The following SLC20A2 variants were observed in gnomAD, a reference collection of about 807,000 sequenced individuals.
The protein encoded by SLC20A2 is solute carrier family 20 member 2.
Under a neutral mutation model 61.0 loss-of-function variants are expected in SLC20A2, and 30 were observed. The ratio of observed to expected loss-of-function variants is 0.49; its 90% CI spans 0.37 to 0.67. SLC20A2 has a LOEUF of 0.67. Among genes scored for constraint, SLC20A2 ranks in the 30% least tolerant of loss-of-function variants. The pLI is 0.00. For synonymous variants in SLC20A2, 351 were observed against 353.3 expected, an observed-to-expected ratio of 0.99 and a Z score of 0.07; for missense variants, 626 against 866.4, an observed-to-expected ratio of 0.72 and a Z score of 3.48.
chr8:42,506,366 C>G (rs1810708735), intron 1 of SLC20A2, among the ~76,000 whole-genome samples: 2 of 152,196 alleles, frequency 1.3e-5, no homozygotes, highest in Admixed American at 6.5e-5. Context: ...GCTTCCTCGC[C>G]TGTAAAATGG....
At chr8:42,493,620 C>T (rs1238174748) in intron 1 of SLC20A2, among the ~76,000 whole-genome samples, 1 of 152,196 alleles carries the variant, frequency 6.6e-6, no homozygotes, top group Non-Finnish European at 1.5e-5. Flanking sequence ...TGCCATTGCT[C>T]TCCAAATAAT....
intron 8 of SLC20A2, among the ~76,000 whole-genome samples, chr8:42,436,539 C>T (rs1034344429): frequency 4.6e-5 from 7 of 152,208 alleles, no homozygotes; most frequent in African/African-American, 1.7e-4. Context: ...CCCCTGCTCA[C>T]AGCTCCACGG....
Position 42,418,033 on chromosome 8 carries a change from A to C in SLC20A2, c.1795-66T>G. On this transcript the variant is annotated intron_variant, in intron 10 of 10. Coordinates refer to ENST00000520262, the MANE Select transcript of SLC20A2 (RefSeq NM_001257180.2). ...CAAAGGCTACACTCTACCAATGTAC[A>C]TGGGCTAATCTCAGAAACAAGCTCT... 3 of 1,368,084 alleles carry C rather than the reference A, an allele frequency of 2.2e-6. No homozygotes were observed. In the South Asian group the frequency reaches 3.6e-5, roughly 16 times the overall value. The allele number at this position is 1,368,084 out of a possible 1,614,324, so 84.7% of individuals were successfully genotyped here.
intron 6 of SLC20A2, among the ~76,000 whole-genome samples, chr8:42,442,591 G>A (rs1445690129): frequency 6.6e-6 from 1 of 152,108 alleles, no homozygotes; most frequent in East Asian, 1.9e-4. Context: ...ACACTGCCTT[G>A]TGGCTTCATA....
chr8:42,520,312 C>A (rs2131398964), intron 1 of SLC20A2, among the ~76,000 whole-genome samples: 1 of 151,780 alleles, frequency 6.6e-6, no homozygotes, highest in African/African-American at 2.4e-5. Context: ...CCGCGCCCAG[C>A]CTCTTTATGC....
chr8:42,541,482 G>A (rs1813153363), intron 1 of SLC20A2: 2 of 145,810 alleles, frequency 1.4e-5, no homozygotes, highest in East Asian at 4.0e-4. Flanking sequence ...GGCCGCCGCT[G>A]CGTCTCTCCG....
intron 5 of SLC20A2, among the ~76,000 whole-genome samples, chr8:42,459,215 G>A (rs1179902093): frequency 8.1e-6 from 1 of 123,890 alleles, no homozygotes; most frequent in African/African-American, 3.1e-5. Context: ...CATCCTGGGT[G>A]AGAGAGTGAG....
rs1235137433 is a variant in SLC20A2 at position 42,507,378 on chromosome 8, T to TAA, written c.-265+34441_-265+34442dup. ...AGAAGAAACTGGTATCCTCTTCAGC[T>TAA]AAAAAAAAAAAAAAGACGCAAACTC... is the stretch of plus-strand genomic sequence containing the variant. On this transcript the variant is annotated intron_variant, in intron 1 of 10. Coordinates refer to the SLC20A2 transcript ENST00000342228. Among the ~76,000 whole-genome samples, 1,132 of 133,390 alleles carry TAA rather than the reference T, an allele frequency of 8.5e-3. 7 individuals are homozygous for TAA. The highest frequency in any genetic ancestry group is 0.029 in the African/African-American group (1,082 of 36,888). The allele number at this position is 133,390 out of a possible 152,430, so 87.5% of individuals were successfully genotyped here.
At chr8:42,449,209 G>C (rs768523831) in intron 5 of SLC20A2, among the ~76,000 whole-genome samples, 20 of 152,208 alleles carry the variant, frequency 1.3e-4, no homozygotes, top group Non-Finnish European at 2.4e-4. Flanking sequence ...GACATACTGG[G>C]GCACAGCCTC....
intron 2 of SLC20A2, among the ~76,000 whole-genome samples, chr8:42,466,536 T>C (rs116943945): frequency 0.021 from 3,146 of 152,282 alleles, 36 homozygotes; most frequent in Middle Eastern, 0.031. Flanking sequence ...ACAGAAAGAC[T>C]AGAAAGGCAA....
chr8:42,430,836 G>C (rs1480244550), intron 8 of SLC20A2, among the ~76,000 whole-genome samples: 5 of 152,132 alleles, frequency 3.3e-5, no homozygotes, highest in Non-Finnish European at 7.3e-5. Context: ...GGTGATCTGT[G>C]ATCAGTGATC....
intron 1 of SLC20A2, among the ~76,000 whole-genome samples, chr8:42,512,601 T>C: frequency 6.6e-6 from 1 of 152,198 alleles, no homozygotes; most frequent in Non-Finnish European, 1.5e-5. Context: ...TCTGGCCACC[T>C]TGGCCTCCCA....
At chr8:42,495,328 C>G (rs1044456468) in intron 1 of SLC20A2, among the ~76,000 whole-genome samples, 86 of 152,112 alleles carry the variant, frequency 5.7e-4, no homozygotes, top group African/African-American at 2.1e-3. Flanking sequence ...TAAACAGACA[C>G]TTGGAATGTT....
At chr8:42,456,803 C>T (rs1806246513) in intron 5 of SLC20A2, among the ~76,000 whole-genome samples, 1 of 151,786 alleles carries the variant, frequency 6.6e-6, no homozygotes, top group South Asian at 2.1e-4. Context: ...CAACCCAGTG[C>T]TCCAGGCCTT....
chr8:42,425,703 T>G (rs1299363766), intron 10 of SLC20A2, among the ~76,000 whole-genome samples: 1 of 152,160 alleles, frequency 6.6e-6, no homozygotes, highest in African/African-American at 2.4e-5. Flanking sequence ...GAGACCTGCT[T>G]TAAGTGCCAA....
intron 1 of SLC20A2, among the ~76,000 whole-genome samples, chr8:42,517,568 C>T (rs1219905238): frequency 6.6e-6 from 1 of 152,052 alleles, no homozygotes; most frequent in African/African-American, 2.4e-5. Context: ...CAAGTGTACA[C>T]AATTTTGCCA....
chr8:42,452,551 G>A (rs563780631), intron 5 of SLC20A2, among the ~76,000 whole-genome samples: 2 of 151,326 alleles, frequency 1.3e-5, no homozygotes, highest in East Asian at 3.9e-4. Flanking sequence ...AGATAAAGAG[G>A]AGGAGCAGGA....
intron 1 of SLC20A2, among the ~76,000 whole-genome samples, chr8:42,508,788 A>G (rs1302025413): frequency 6.6e-6 from 1 of 152,200 alleles, no homozygotes; most frequent in Non-Finnish European, 1.5e-5. Context: ...AAAGATGGAG[A>G]AAAAGGAAAG....
chr8:42,485,289 C>A (rs968060846), intron 1 of SLC20A2, among the ~76,000 whole-genome samples: 1 of 151,968 alleles, frequency 6.6e-6, no homozygotes, highest in Admixed American at 6.6e-5. Context: ...CCAGAAAGCA[C>A]CCCCCTCCAA....
Sources: gnomAD v4.1 joint callset for allele counts (sites outside exome capture counted in the v4.1 genomes callset) on GRCh38, gnomAD v4.1.1 for gene constraint, MANE v1.5 for transcripts, NCBI Gene and HGNC (gene_info 2026-07-23, HGNC 2026-07-21) for gene names.